PIK3C2G: variants seen among roughly 807,000 people sequenced by gnomAD.
PIK3C2G encodes phosphatidylinositol 3-kinase C2 domain-containing subunit gamma.
Under a neutral mutation model 181.1 loss-of-function variants are expected in PIK3C2G, and 168 were observed. The ratio of observed to expected loss-of-function variants is 0.93; its 90% CI spans 0.82 to 1.05. The LOEUF (loss-of-function observed/expected upper bound fraction) is 1.05, where lower values mean the gene tolerates loss of function less well. PIK3C2G is among the 50% of genes least tolerant of loss of function. The pLI is 0.00. For missense variants in PIK3C2G, 1,869 were observed against 1,732.8 expected (o/e 1.08, Z -1.40); for synonymous variants, 573 against 592.2 (o/e 0.97, Z 0.47).
At chr12:18,644,974 G>A (rs1430858465) in intron 32 of PIK3C2G, among the ~76,000 whole-genome samples, 1 of 152,050 alleles carries the variant, frequency 6.6e-6, no homozygotes, top group East Asian at 1.9e-4. Flanking sequence ...TAAATTCTTG[G>A]AATGTTCAGT....
At chr12:18,568,884 T>G (rs1217697220) in intron 29 of PIK3C2G, among the ~76,000 whole-genome samples, 45 of 152,264 alleles carry the variant, frequency 3.0e-4, no homozygotes, top group African/African-American at 9.4e-4. Flanking sequence ...CTTACTATTT[T>G]TTTTCACTTT....
At chr12:18,522,359 A>G (rs769894865) in intron 24 of PIK3C2G, among the ~76,000 whole-genome samples, 5 of 151,808 alleles carry the variant, frequency 3.3e-5, no homozygotes, top group Non-Finnish European at 7.4e-5. Flanking sequence ...TCTCGTTTTC[A>G]TTTGTTTTTT....
chr12:18,546,341 C>T lies in PIK3C2G; in HGVS notation c.3499C>T (p.Pro1167Ser). The T allele has an allele frequency of 6.3e-7, 1 of 1,591,924 alleles. No homozygotes were observed. Among genetic ancestry groups the T allele is most frequent in the Non-Finnish European group, 8.6e-7 (1 of 1,165,668 alleles). Residue 1167 changes from proline to serine, a missense_variant, in exon 26 of 33, where the codon CCT (proline) becomes TCT (serine). Transcript: ENST00000538779. ...LLEMMLYAGL[P>S]ELSGIQDLKY... ...GGTTAAGATGCTGTATGCAGGACTG[C>T]CTGAGCTAAGTGGAATTCAAGACCT...
intron 32 of PIK3C2G, among the ~76,000 whole-genome samples, chr12:18,642,025 A>G (rs944117902): frequency 1.3e-5 from 2 of 152,154 alleles, no homozygotes; most frequent in African/African-American, 4.8e-5. Flanking sequence ...TTGGGATTAC[A>G]GGCGTGAGCC....
intron 30 of PIK3C2G, among the ~76,000 whole-genome samples, chr12:18,595,961 C>T (rs1223834097): frequency 6.6e-6 from 1 of 152,038 alleles, no homozygotes. Context: ...ATAATTCTTG[C>T]TTGTGTGTTT....
At chr12:18,381,277 A>G (rs1942815325) in intron 13 of PIK3C2G, among the ~76,000 whole-genome samples, 1 of 152,182 alleles carries the variant, frequency 6.6e-6, no homozygotes. Flanking sequence ...TTTATTCTGC[A>G]GATCATATGC....
intron 15 of PIK3C2G, among the ~76,000 whole-genome samples, chr12:18,393,252 AC>A (rs1248757085): frequency 2.6e-5 from 4 of 152,080 alleles, no homozygotes; most frequent in Non-Finnish European, 5.9e-5. Flanking sequence ...AAAATAAGCA[AC>A]ATTTTCCTCT....
downstream of PIK3C2G, among the ~76,000 whole-genome samples, chr12:18,650,700 G>GTATATATCTATATA (rs1950438410): frequency 4.6e-5 from 2 of 43,838 alleles, no homozygotes; most frequent in Non-Finnish European, 8.5e-5. Context: ...GTGTGTGTGT[G>GTATATATCTATATA]TGTGTATATA....
At chr12:18,722,513 G>T in the PIK3C2G span, among the ~76,000 whole-genome samples, 4 of 151,964 alleles carry the variant, frequency 2.6e-5, no homozygotes, top group Admixed American at 6.6e-5. Flanking sequence ...ACTTTCATAC[G>T]CCCCTCCTAG....
chr12:18,364,930 A>T (rs1941532020), intron 12 of PIK3C2G, among the ~76,000 whole-genome samples: 1 of 152,112 alleles, frequency 6.6e-6, no homozygotes, highest in South Asian at 2.1e-4. Context: ...AATCAGTTCA[A>T]TCCCTAAAAT....
At chr12:18,581,474 T>C (rs573924322) in intron 29 of PIK3C2G, among the ~76,000 whole-genome samples, 303 of 152,314 alleles carry the variant, frequency 2.0e-3, no homozygotes, top group Non-Finnish European at 3.4e-3. Context: ...ATGCTCTACA[T>C]AGGAGAAGTG....
chr12:18,607,121 G>C, intron 30 of PIK3C2G: 2 of 513,674 alleles, frequency 3.9e-6, no homozygotes, highest in Non-Finnish European at 7.8e-6. Flanking sequence ...TGTGCTAGGA[G>C]AGTTCAGGGA....
At chr12:18,595,689 T>C (rs1371603545) in intron 30 of PIK3C2G, among the ~76,000 whole-genome samples, 1 of 152,168 alleles carries the variant, frequency 6.6e-6, no homozygotes, top group East Asian at 1.9e-4. Context: ...CTGTATCCAC[T>C]TGTGACCTGC....
intron 1 of PIK3C2G, among the ~76,000 whole-genome samples, chr12:18,270,875 T>A (rs1948718419): frequency 6.6e-6 from 1 of 152,182 alleles, no homozygotes; most frequent in Admixed American, 6.5e-5. Context: ...TTGATTAATA[T>A]TTTTTCTCAT....
chr12:18,620,527 C>CAGATAGAT (rs72448986), intron 31 of PIK3C2G, among the ~76,000 whole-genome samples: 12,566 of 148,082 alleles, frequency 0.085, 573 homozygotes, highest in Admixed American at 0.13. Context: ...ATTAGACAGA[C>CAGATAGAT]AGATAGATAG....
chr12:18,531,657 C>G (rs1943561199), intron 24 of PIK3C2G, among the ~76,000 whole-genome samples: 1 of 152,154 alleles, frequency 6.6e-6, no homozygotes, highest in South Asian at 2.1e-4. Flanking sequence ...TTGATTGGCT[C>G]TTTTCACACA....
At chr12:18,322,189 C>G (rs1247507659) in intron 7 of PIK3C2G, among the ~76,000 whole-genome samples, 1 of 152,070 alleles carries the variant, frequency 6.6e-6, no homozygotes. Context: ...TCAAGACCAG[C>G]CTGGCCAACA....
chr12:18,270,361 T>A (rs1353139255), intron 1 of PIK3C2G, among the ~76,000 whole-genome samples: 1 of 152,196 alleles, frequency 6.6e-6, no homozygotes. Flanking sequence ...GATAAAACTC[T>A]CTTGAGCCCA....
intron 24 of PIK3C2G, among the ~76,000 whole-genome samples, chr12:18,513,447 T>C (rs570893723): frequency 6.6e-6 from 1 of 151,866 alleles, no homozygotes; most frequent in African/African-American, 2.4e-5. Flanking sequence ...GATGAGAGAC[T>C]TTTTATTACT....
Sources: gnomAD v4.1 joint callset for allele counts (sites outside exome capture counted in the v4.1 genomes callset) on GRCh38, gnomAD v4.1.1 for gene constraint, MANE v1.5 for transcripts, NCBI Gene and HGNC (gene_info 2026-07-23, HGNC 2026-07-21) for gene names.